The following DGKB variants were observed in gnomAD, a reference collection of about 807,000 sequenced individuals.
DGKB encodes the protein diacylglycerol kinase beta.
In DGKB, 67 loss-of-function variants were observed where a neutral mutation model predicts 114.3. The observed-to-expected ratio is 0.59, with a 90% CI of 0.48 to 0.72. The LOEUF is 0.72. Among genes scored for constraint, DGKB ranks in the 30% least tolerant of loss-of-function variants. The pLI is 0.00. For missense variants in DGKB, 907 were observed against 975.2 expected (o/e 0.93, Z 0.93); for synonymous variants, 398 against 323.1 (o/e 1.23, Z -2.49).
At position 14,583,146 on chromosome 7, in the gene DGKB, T is replaced by G; in HGVS notation, c.1434-9A>C. On this transcript the variant is annotated splice_polypyrimidine_tract_variant and intron_variant, in intron 17 of 25. Coordinates refer to ENST00000402815, the MANE Select transcript of DGKB (RefSeq NM_001350709.2). ...CACGGAAAAAGTTTAACCTGAAAAA[T>G]AAGCATGTTATGGCACATGATTAAT... is the stretch of plus-strand genomic sequence containing the variant. 6.3e-7 allele frequency: 1 copy of G among 1,582,668 alleles called. No homozygotes were observed. The highest frequency in any genetic ancestry group is 8.7e-7 in the Non-Finnish European group (1 of 1,153,342).
At chr7:14,741,723 C>T (rs1586146104) in intron 4 of DGKB, among the ~76,000 whole-genome samples, 1 of 152,280 alleles carries the variant, frequency 6.6e-6, no homozygotes, top group East Asian at 1.9e-4. Context: ...TTTGAAAATA[C>T]CTTGTATACT....
intron 6 of DGKB, among the ~76,000 whole-genome samples, chr7:14,715,695 G>A (rs6966274): frequency 0.4 from 60,404 of 152,068 alleles, 14,353 homozygotes; most frequent in East Asian, 0.87. Flanking sequence ...TCCTCAATAT[G>A]ATTGCTAGAT....
intron 4 of DGKB, among the ~76,000 whole-genome samples, chr7:14,745,804 G>A (rs370506519): frequency 1.4e-4 from 19 of 137,042 alleles, no homozygotes; most frequent in Non-Finnish European, 2.7e-4. Context: ...TCAATGTGTC[G>A]CATGCTTAAT....
chr7:14,858,044 C>G lies in DGKB; in HGVS notation c.-187-16594G>C, dbSNP rs190969297. ...CTCAGCCATTATTAAGGCTTATATT[C>G]CAGTCACATATAACAGCATTTTTCA... On this transcript the variant is annotated intron_variant, in intron 1 of 25. Transcript: ENST00000402815. Among the ~76,000 whole-genome samples, 189 of 152,158 alleles carry G rather than the reference C, an allele frequency of 1.2e-3. 1 individual carries two copies. The highest frequency in any genetic ancestry group is 1.9e-3 in the Non-Finnish European group (130 of 67,994).
At chr7:14,417,428 G>C (rs1825880492) in intron 21 of DGKB, among the ~76,000 whole-genome samples, 1 of 151,972 alleles carries the variant, frequency 6.6e-6, no homozygotes, top group East Asian at 1.9e-4. Flanking sequence ...TTTTTGAATG[G>C]TAAGAGCTGT....
intron 1 of DGKB, among the ~76,000 whole-genome samples, chr7:14,913,312 A>G (rs1450861017): frequency 6.6e-6 from 1 of 151,890 alleles, no homozygotes; most frequent in East Asian, 1.9e-4. Flanking sequence ...GCACATGCAT[A>G]CTGAGCAGTT....
rs537418961 is a variant in DGKB at position 14,776,917 on chromosome 7, T to C, written c.71-19186A>G. Among the ~76,000 whole-genome samples, 660 of 152,232 alleles carry C rather than the reference T, an allele frequency of 4.3e-3. 8 individuals are homozygous for C. The highest frequency in any genetic ancestry group is 0.015 in the African/African-American group (616 of 41,546). ...TGGAAAAGCCACAGACACTCAATGC[T>C]AGCTATGAAATCAGCCAGGAGGGAA... On this transcript the variant is annotated intron_variant, in intron 2 of 25. Coordinates refer to ENST00000402815, the MANE Select transcript of DGKB (RefSeq NM_001350709.2).
At chr7:14,288,811 C>A (rs1229978911) in intron 23 of DGKB, among the ~76,000 whole-genome samples, 1 of 152,142 alleles carries the variant, frequency 6.6e-6, no homozygotes, top group Non-Finnish European at 1.5e-5. Context: ...ACAGACGCAT[C>A]CAAACAGGAG....
chr7:14,506,494 C>T (rs1031974627), intron 20 of DGKB, among the ~76,000 whole-genome samples: 6 of 152,126 alleles, frequency 3.9e-5, no homozygotes, highest in Non-Finnish European at 7.4e-5. Flanking sequence ...AGGATTTAGA[C>T]GGCCTGGCTA....
intron 21 of DGKB, among the ~76,000 whole-genome samples, chr7:14,473,367 A>G (rs752612086): frequency 3.5e-4 from 54 of 152,198 alleles, no homozygotes; most frequent in Non-Finnish European, 5.9e-4. Flanking sequence ...ATAGCAGTAA[A>G]GAACTGGGGT....
intron 21 of DGKB, among the ~76,000 whole-genome samples, chr7:14,440,155 C>G (rs550767233): frequency 6.6e-6 from 1 of 152,094 alleles, no homozygotes; most frequent in East Asian, 1.9e-4. Context: ...GAGGAGGTAA[C>G]GATTGGTCAG....
intron 9 of DGKB, among the ~76,000 whole-genome samples, chr7:14,689,001 T>C (rs766420471): frequency 1.1e-4 from 17 of 152,076 alleles, no homozygotes; most frequent in Admixed American, 2.0e-4. Context: ...AGAAATTTCA[T>C]TGATGTCCTA....
chr7:14,821,886 A>G (rs1162937647), intron 2 of DGKB, among the ~76,000 whole-genome samples: 4 of 152,178 alleles, frequency 2.6e-5, no homozygotes, highest in Non-Finnish European at 5.9e-5. Context: ...CAGTGGGAAC[A>G]GCATAAATTA....
chr7:14,618,189 A>C (rs1806921311), intron 15 of DGKB, among the ~76,000 whole-genome samples: 1 of 151,514 alleles, frequency 6.6e-6, no homozygotes, highest in Non-Finnish European at 1.5e-5. Flanking sequence ...AGAGATAATT[A>C]ATTTAATATA....
chr7:14,434,893 C>T (rs896288130), intron 21 of DGKB, among the ~76,000 whole-genome samples: 3 of 152,010 alleles, frequency 2.0e-5, no homozygotes, highest in African/African-American at 2.4e-5. Context: ...AATGGTTGAT[C>T]GTATGTTTAC....
At chr7:14,865,895 A>C (rs1851642011) in intron 1 of DGKB, among the ~76,000 whole-genome samples, 2 of 152,188 alleles carry the variant, frequency 1.3e-5, no homozygotes, top group Admixed American at 6.5e-5. Flanking sequence ...CTTGAGAAAA[A>C]GTAAAACCTA....
intron 2 of DGKB, among the ~76,000 whole-genome samples, chr7:14,794,319 G>T (rs1406746469): frequency 6.6e-6 from 1 of 152,100 alleles, no homozygotes; most frequent in Non-Finnish European, 1.5e-5. Context: ...AGTAAAGGGA[G>T]CACTGATAGA....
At chr7:14,633,297 C>T (rs1035361677) in intron 13 of DGKB, among the ~76,000 whole-genome samples, 1 of 151,868 alleles carries the variant, frequency 6.6e-6, no homozygotes, top group African/African-American at 2.4e-5. Flanking sequence ...ACTGATGACC[C>T]AGCTGGAGCT....
At chr7:14,438,102 A>T (rs894159983) in intron 21 of DGKB, among the ~76,000 whole-genome samples, 2 of 152,086 alleles carry the variant, frequency 1.3e-5, no homozygotes, top group Non-Finnish European at 2.9e-5. Context: ...CAACCCCCAG[A>T]ACAAGTATCT....
Sources: gnomAD v4.1 joint callset for allele counts (sites outside exome capture counted in the v4.1 genomes callset) on GRCh38, gnomAD v4.1.1 for gene constraint, MANE v1.5 for transcripts, NCBI Gene and HGNC (gene_info 2026-07-23, HGNC 2026-07-21) for gene names.